SEPTIN9: variants seen among roughly 807,000 people sequenced by gnomAD.
SEPTIN9 encodes septin 9.
A neutral mutation model predicts 56.6 loss-of-function variants in SEPTIN9; 13 were observed. That is an observed-to-expected ratio of 0.23 (90% CI 0.15 to 0.37). SEPTIN9 has a LOEUF of 0.37. Among genes scored for constraint, SEPTIN9 ranks in the 10% least tolerant of loss-of-function variants. SEPTIN9 has a pLI of 1.00. For missense variants in SEPTIN9, 650 were observed against 823.1 expected, an observed-to-expected ratio of 0.79 and a Z score of 2.57; for synonymous variants, 332 against 334.1, an observed-to-expected ratio of 0.99 and a Z score of 0.07.
Position 77,389,879 on chromosome 17 carries a change from C to T in SEPTIN9, c.77-12180C>T, listed in dbSNP as rs2035472320. Among the ~76,000 whole-genome samples the T allele has an allele frequency of 6.6e-6, 1 of 152,220 alleles. No individual in the cohort carries two copies. The highest frequency in any genetic ancestry group is 2.4e-5 in the African/African-American group (1 of 41,458). The stretch of plus-strand genomic sequence containing the variant: ...TGGGGGGAGCGCTAGACCAGTGCAG[C>T]ACATCTGAGAGTGTGCCAGAGGTGC... On this transcript the variant is annotated intron_variant, in intron 2 of 11. Transcript: ENST00000427177. This position sits in a 1 kb window ranked among gnomAD's most constrained non-coding sequence, Gnocchi z 4.3.
chr17:77,499,746 T>C lies in SEPTIN9; in HGVS notation c.*1088T>C, dbSNP rs1035339106. The C allele has an allele frequency of 1.4e-5, 5 of 349,050 alleles. No homozygotes were observed. Among genetic ancestry groups the C allele is most frequent in the Non-Finnish European group, 2.7e-5 (5 of 187,472 alleles). The allele number at this position is 349,050 out of a possible 1,614,324, so 21.6% of individuals were successfully genotyped here. A position where few individuals can be genotyped will look rare whatever the true frequency, so the allele number is the denominator to read the frequency against. On this transcript the variant is annotated 3_prime_UTR_variant, in exon 12 of 12. Transcript: ENST00000427177. ...ACATTAATGCCCAGCCAGCCACCCC[T>C]GCCACTCACCCTTCCTGGCCCAGGC...
Position 77,425,424 on chromosome 17 carries a change from T to C in SEPTIN9, c.721+22721T>C, listed in dbSNP as rs2036867754. Among the ~76,000 whole-genome samples, 1 of 152,072 alleles carries C rather than the reference T, an allele frequency of 6.6e-6. No homozygotes were observed. The highest frequency in any genetic ancestry group is 2.4e-5 in the African/African-American group (1 of 41,408). On this transcript the variant is annotated intron_variant, in intron 3 of 11. Coordinates refer to ENST00000427177, the MANE Select transcript of SEPTIN9 (RefSeq NM_001113491.2). The surrounding 1 kb of genome is among the most constrained non-coding windows in gnomAD (Gnocchi z 4.2). ...GGGGGATGTGACCGTGTCCCCAGGG[T>C]GAAGCCCACCCGAGTGTCACTCTGG...
chr17:77,359,710 C>T lies in SEPTIN9; in HGVS notation c.77-42349C>T, dbSNP rs576714703. ...ACTCGAGAGGCTGAGATGGGAGGAT[C>T]GCTTGGGCCTAGGAGTTCGAGGCTG... On this transcript the variant is annotated intron_variant, in intron 2 of 11. Transcript: ENST00000427177. Among the ~76,000 whole-genome samples the T allele has an allele frequency of 2.6e-5, 4 of 152,178 alleles. 1 individual carries two copies. The highest frequency in any genetic ancestry group is 9.6e-5 in the African/African-American group (4 of 41,524).
At position 77,429,653 on chromosome 17, in the gene SEPTIN9, C is replaced by T. The variant is rs2037054262; in HGVS notation, c.721+26950C>T. On this transcript the variant is annotated intron_variant, in intron 3 of 11. Coordinates refer to ENST00000427177, the MANE Select transcript of SEPTIN9 (RefSeq NM_001113491.2). The surrounding 1 kb of genome is among the most constrained non-coding windows in gnomAD (Gnocchi z 5.2). ...AGTTTGCACAGATGGGGATAATGAG[C>T]TGGAGGGTGCTGGGCAGGAGCTGGC... 6.6e-6 allele frequency among the ~76,000 whole-genome samples: 1 copy of T among 152,072 alleles called. No individual in the cohort carries two copies. Among genetic ancestry groups the T allele is most frequent in the South Asian group, 2.1e-4 (1 of 4,824 alleles).
intron 3 of SEPTIN9, among the ~76,000 whole-genome samples, chr17:77,417,120 C>G (rs2036533631): frequency 6.6e-6 from 1 of 152,194 alleles, no homozygotes; most frequent in Admixed American, 6.5e-5. Context: ...CCTCAGTTTC[C>G]CCATTTATAG....
chr17:77,471,882 T>G (rs2039010955), intron 3 of SEPTIN9, among the ~76,000 whole-genome samples: 2 of 152,022 alleles, frequency 1.3e-5, no homozygotes, highest in South Asian at 4.1e-4. Context: ...TCAGGGCCAT[T>G]CCCTGACCCT....
intron 3 of SEPTIN9, among the ~76,000 whole-genome samples, chr17:77,422,075 C>G (rs764958565): frequency 7.9e-5 from 12 of 152,170 alleles, no homozygotes; most frequent in Admixed American, 2.0e-4. Context: ...CCAGGCTGAA[C>G]TCCAACTCCT....
At chr17:77,287,588 G>A in intron 1 of SEPTIN9, among the ~76,000 whole-genome samples, 1 of 152,194 alleles carries the variant, frequency 6.6e-6, no homozygotes, top group East Asian at 1.9e-4. Context: ...GGGTCTCCAG[G>A]GTAGAGCATG....
At chr17:77,417,023 A>T (rs898689894) in intron 3 of SEPTIN9, among the ~76,000 whole-genome samples, 8 of 152,122 alleles carry the variant, frequency 5.3e-5, no homozygotes, top group African/African-American at 1.9e-4. Flanking sequence ...CGTGTGAAAA[A>T]CTGGGATTTG....
intron 2 of SEPTIN9, among the ~76,000 whole-genome samples, chr17:77,345,351 A>G (rs1252942783): frequency 6.6e-6 from 1 of 152,250 alleles, no homozygotes; most frequent in Admixed American, 6.5e-5. Flanking sequence ...GCAAACACAC[A>G]GAAGCAGTTA....
Position 77,397,953 on chromosome 17 carries a change from C to T in SEPTIN9, c.77-4106C>T, listed in dbSNP as rs566926001. ...CTGGGATTACAGGCATGAGCCACCA[C>T]GCCTGGCATTTAGTAGGTTTTGGTT... On this transcript the variant is annotated intron_variant, in intron 2 of 11. Transcript: ENST00000427177. Among the ~76,000 whole-genome samples the T allele has an allele frequency of 7.3e-5, 11 of 151,654 alleles. No homozygotes were observed. In the East Asian group the frequency reaches 1.4e-3, roughly 19 times the overall value.
At chr17:77,378,107 T>A (rs1763469430) in intron 2 of SEPTIN9, among the ~76,000 whole-genome samples, 1 of 152,178 alleles carries the variant, frequency 6.6e-6, no homozygotes, top group African/African-American at 2.4e-5. Flanking sequence ...CTGTGGGTTC[T>A]CTGGGCTGGA....
rs1039333554 is a variant in SEPTIN9 at position 77,310,588 on chromosome 17, C to T, written c.76+3391C>T. Reference sequence around the variant, plus strand: ...TAGTGCTGCCGGGAACGTGTGTTTCCCCAGGTGGATTTGGCTGGGCTGTGG... The same window carrying T: ...TAGTGCTGCCGGGAACGTGTGTTTCTCCAGGTGGATTTGGCTGGGCTGTGG... On this transcript the variant is annotated intron_variant, in intron 2 of 11. Coordinates refer to ENST00000427177, the MANE Select transcript of SEPTIN9 (RefSeq NM_001113491.2). This position sits in a 1 kb window ranked among gnomAD's most constrained non-coding sequence, Gnocchi z 4.7. 3.8e-5 allele frequency among the ~76,000 whole-genome samples: 3 copies of T among 78,486 alleles called. No individual in the cohort carries two copies. In the South Asian group the frequency reaches 1.1e-3, roughly 28 times the overall value. The allele number at this position is 78,486 out of a possible 152,430, so 51.5% of individuals were successfully genotyped here. A position where few individuals can be genotyped will look rare whatever the true frequency, so the allele number is the denominator to read the frequency against.
chr17:77,352,362 G>A (rs1363864153), intron 2 of SEPTIN9, among the ~76,000 whole-genome samples: 4 of 152,072 alleles, frequency 2.6e-5, no homozygotes, highest in South Asian at 2.1e-4. Context: ...AGCCGAGATC[G>A]CGCCATTGCA....
chr17:77,356,787 C>A (rs35519234), intron 2 of SEPTIN9, among the ~76,000 whole-genome samples: 23 of 139,848 alleles, frequency 1.6e-4, no homozygotes, highest in Non-Finnish European at 3.2e-4. Context: ...AAAGGGTGGG[C>A]ACCCTGTCTG....
chr17:77,470,384 A>G (rs184326), intron 3 of SEPTIN9, among the ~76,000 whole-genome samples: 10,957 of 149,802 alleles, frequency 0.073, 1,316 homozygotes, highest in African/African-American at 0.25. Context: ...CCATCCACTC[A>G]TCCGTCCATC....
intron 2 of SEPTIN9, among the ~76,000 whole-genome samples, chr17:77,338,678 C>T (rs2033633517): frequency 6.6e-6 from 1 of 152,208 alleles, no homozygotes; most frequent in African/African-American, 2.4e-5. Flanking sequence ...CTTGGCCTCC[C>T]AAAGTGCTGG....
chr17:77,304,208 C>T (rs887095975), intron 1 of SEPTIN9, among the ~76,000 whole-genome samples: 2 of 152,198 alleles, frequency 1.3e-5, no homozygotes, highest in South Asian at 2.1e-4. Flanking sequence ...GCAGCGGCTG[C>T]GCTGAGCCTG....
Position 77,313,729 on chromosome 17 carries a change from T to C in SEPTIN9, c.76+6532T>C, listed in dbSNP as rs927413879. ...AGCAGGAAATGAATGGAAAAGTCTT[T>C]TTTTTTTCTTTTTTCTTTCTAGGCA... On this transcript the variant is annotated intron_variant, in intron 2 of 11. Coordinates refer to ENST00000427177, the MANE Select transcript of SEPTIN9 (RefSeq NM_001113491.2). The surrounding 1 kb of genome is among the most constrained non-coding windows in gnomAD (Gnocchi z 4.5). 6.6e-6 allele frequency among the ~76,000 whole-genome samples: 1 copy of C among 152,178 alleles called. No homozygotes were observed. The highest frequency in any genetic ancestry group is 1.5e-5 in the Non-Finnish European group (1 of 68,030).
Sources: gnomAD v4.1 joint callset for allele counts (sites outside exome capture counted in the v4.1 genomes callset) on GRCh38, gnomAD v4.1.1 for gene constraint, Gnocchi (gnomAD v3.1) non-coding constraint, MANE v1.5 for transcripts, NCBI Gene and HGNC (gene_info 2026-07-23, HGNC 2026-07-21) for gene names.